The following CNPY1 variants were observed in gnomAD, a reference collection of about 807,000 sequenced individuals.
CNPY1 encodes protein canopy homolog 1.
CNPY1 carries 14 observed loss-of-function variants against 14.4 expected under a neutral mutation model. That is an observed-to-expected ratio of 0.97 (90% CI 0.64 to 1.52). CNPY1 has a LOEUF of 1.52. Among genes scored for constraint, CNPY1 ranks in the 40% most tolerant of loss-of-function variants. The probability of loss-of-function intolerance (pLI) is 0.00; values close to 1 mark genes in which losing one functional copy is unlikely to be tolerated. For synonymous variants in CNPY1, 43 were observed against 46.5 expected, an observed-to-expected ratio of 0.92 and a Z score of 0.31; for missense variants, 129 against 131.5, an observed-to-expected ratio of 0.98 and a Z score of 0.09.
At chr7:155,521,576 T>C (rs926018476) in intron 2 of CNPY1, among the ~76,000 whole-genome samples, 4 of 152,208 alleles carry the variant, frequency 2.6e-5, no homozygotes, top group Non-Finnish European at 5.9e-5. Context: ...CTCCCTCTTA[T>C]ACAGAGTCCC....
intron 2 of CNPY1, among the ~76,000 whole-genome samples, chr7:155,531,814 C>T (rs1796942056): frequency 6.6e-6 from 1 of 152,172 alleles, no homozygotes; most frequent in Admixed American, 6.5e-5. Flanking sequence ...AGCTCCAGGG[C>T]GGTGCCTCAG....
intron 2 of CNPY1, among the ~76,000 whole-genome samples, chr7:155,538,348 G>C (rs1191167367): frequency 1.3e-5 from 2 of 152,182 alleles, no homozygotes; most frequent in Non-Finnish European, 2.9e-5. Context: ...AAGTACTAGG[G>C]ACTGTTGCCA....
chr7:155,530,296 C>CT (rs11386824), intron 2 of CNPY1, among the ~76,000 whole-genome samples: 35,280 of 96,822 alleles, frequency 0.36, 8,995 homozygotes, highest in African/African-American at 0.59. Context: ...CCAGCAGGGT[C>CT]TTTTTTTTTT....
At chr7:155,508,790 C>T (rs1796416829) in intron 3 of CNPY1, 104 bp downstream of exon 3, 1 of 1,220,256 alleles carries the variant, frequency 8.2e-7, no homozygotes, top group Admixed American at 2.2e-5. Flanking sequence ...TTTTGATGTT[C>T]CATGTCTTGA....
intron 2 of CNPY1, 87 bp from the exon 3 acceptor site, chr7:155,509,184 A>T (rs1000331107): frequency 2.9e-6 from 2 of 696,258 alleles, no homozygotes; most frequent in African/African-American, 1.8e-5. Flanking sequence ...GAAACGCCAC[A>T]CTCTCCCTGA....
Position 155,536,153 on chromosome 7 carries a change from T to C in CNPY1, c.99+9678A>G, listed in dbSNP as rs1236162322. Among the ~76,000 whole-genome samples, 2 of 152,170 alleles carry C rather than the reference T, an allele frequency of 1.3e-5. No homozygotes were observed. The highest frequency in any genetic ancestry group is 1.3e-4 in the Admixed American group (2 of 15,274). ...CCAGGTGCCATTTGAAATGGGATGC[T>C]GTAAATCCATGGCATGCAGTGGTGA... is the stretch of plus-strand genomic sequence containing the variant. On this transcript the variant is annotated intron_variant, in intron 2 of 4. Transcript: ENST00000636446. This position sits in a 1 kb window ranked among gnomAD's most constrained non-coding sequence, Gnocchi z 4.1.
At chr7:155,512,009 A>T (rs191164770) in intron 2 of CNPY1, among the ~76,000 whole-genome samples, 1 of 152,100 alleles carries the variant, frequency 6.6e-6, no homozygotes, top group Non-Finnish European at 1.5e-5. Flanking sequence ...TTTCCCCCTC[A>T]AAGTGTTTTG....
chr7:155,505,065 G>A (rs1313555260), intron 4 of CNPY1, among the ~76,000 whole-genome samples: 2 of 152,142 alleles, frequency 1.3e-5, no homozygotes, highest in Non-Finnish European at 2.9e-5. Context: ...TCTCTTCCTT[G>A]TTATCGTGCT....
intron 2 of CNPY1, chr7:155,510,604 G>GT (rs1263143092): frequency 3.9e-5 from 6 of 152,270 alleles, no homozygotes; most frequent in African/African-American, 1.4e-4. Flanking sequence ...ACCACCACAC[G>GT]TATCTAATCA....
intron 2 of CNPY1, among the ~76,000 whole-genome samples, chr7:155,514,009 T>C (rs904831420): frequency 5.3e-5 from 8 of 152,256 alleles, no homozygotes; most frequent in Non-Finnish European, 1.0e-4. Flanking sequence ...GCAAGGACTT[T>C]GGGCACCCAA....
intron 4 of CNPY1, among the ~76,000 whole-genome samples, chr7:155,506,263 A>C (rs1796303013): frequency 6.6e-6 from 1 of 152,228 alleles, no homozygotes; most frequent in African/African-American, 2.4e-5. Context: ...TTCTTCCCAA[A>C]GATATCCAAA....
intron 2 of CNPY1, among the ~76,000 whole-genome samples, chr7:155,513,010 GA>G (rs1375593805): frequency 6.6e-6 from 1 of 152,184 alleles, no homozygotes; most frequent in Non-Finnish European, 1.5e-5. Flanking sequence ...ATTTAGAAGT[GA>G]AAATTCAAAG....
chr7:155,529,779 T>TC (rs201602491), intron 2 of CNPY1, among the ~76,000 whole-genome samples: 8,737 of 151,434 alleles, frequency 0.058, 305 homozygotes, highest in African/African-American at 0.099. Context: ...TTCTTTTCTT[T>TC]TTTTTTTTTC....
At position 155,506,941 on chromosome 7, in the gene CNPY1, T is replaced by C. The variant is rs1796334895; in HGVS notation, c.400+79A>G. On this transcript the variant is annotated intron_variant, in intron 4 of 4. Coordinates refer to ENST00000636446, the MANE Select transcript of CNPY1 (RefSeq NM_001393663.1). ...ATCGCAGAGGCAGCGAGGCTCGGTC[T>C]GCAAACAAGACGCTGCAAGGCTGAG... 6.2e-6 allele frequency: 6 copies of C among 963,254 alleles called. No individual in the cohort carries two copies. The South Asian group carries it at 8.0e-5, about 13-fold the overall frequency. The allele number at this position is 963,254 out of a possible 1,614,324, so 59.7% of individuals were successfully genotyped here.
intron 2 of CNPY1, among the ~76,000 whole-genome samples, chr7:155,527,054 C>CTTTCTTTCTTTCTTTCTTTCTTTTTT (rs56296833): frequency 7.7e-5 from 7 of 90,356 alleles, no homozygotes; most frequent in East Asian, 3.6e-4. Flanking sequence ...TTCTTTCTTT[C>CTTTCTTTCTTTCTTTCTTTCTTTTTT]TTTTTTTTTT....
intron 2 of CNPY1, among the ~76,000 whole-genome samples, chr7:155,522,210 A>G (rs542011177): frequency 6.6e-5 from 10 of 152,246 alleles, no homozygotes; most frequent in Non-Finnish European, 1.3e-4. Flanking sequence ...CTTTGCACAT[A>G]TAGAGGTGCA....
At chr7:155,513,217 G>T (rs1004611667) in intron 2 of CNPY1, among the ~76,000 whole-genome samples, 13 of 152,246 alleles carry the variant, frequency 8.5e-5, no homozygotes, top group African/African-American at 3.1e-4. Context: ...CACTCATTTC[G>T]ATGAGGAATA....
intron 2 of CNPY1, among the ~76,000 whole-genome samples, chr7:155,535,069 T>A (rs954183011): frequency 6.6e-6 from 1 of 152,186 alleles, no homozygotes; most frequent in South Asian, 2.1e-4. Flanking sequence ...GGCAGCTGGA[T>A]GCACAGCACA....
At chr7:155,509,981 G>C (rs544484335) in intron 2 of CNPY1, among the ~76,000 whole-genome samples, 2 of 152,114 alleles carry the variant, frequency 1.3e-5, no homozygotes, top group South Asian at 2.1e-4. Flanking sequence ...GCGTGGAGCC[G>C]CCAAGGGCGC....
Sources: gnomAD v4.1 joint callset for allele counts (sites outside exome capture counted in the v4.1 genomes callset) on GRCh38, gnomAD v4.1.1 for gene constraint, Gnocchi (gnomAD v3.1) non-coding constraint, MANE v1.5 for transcripts, NCBI Gene and HGNC (gene_info 2026-07-23, HGNC 2026-07-21) for gene names.